The following CUL4A variants were observed in gnomAD, a reference collection of about 807,000 sequenced individuals.
The protein encoded by CUL4A is cullin 4A.
A neutral mutation model predicts 95.5 loss-of-function variants in CUL4A; 16 were observed. The observed-to-expected ratio is 0.17, with a 90% confidence interval of 0.11 to 0.25. CUL4A has a LOEUF of 0.25. Ranked by LOEUF, CUL4A falls within the 10% of genes least tolerant of loss-of-function variation. The probability of loss-of-function intolerance (pLI) is 1.00; values close to 1 mark genes in which losing one functional copy is unlikely to be tolerated. For missense variants in CUL4A, 610 were observed against 937.0 expected, an observed-to-expected ratio of 0.65 and a Z score of 4.56; for synonymous variants, 380 against 353.1, an observed-to-expected ratio of 1.08 and a Z score of -0.85.
At chr13:113,226,732 A>G (rs187769127) in intron 3 of CUL4A, among the ~76,000 whole-genome samples, 10 of 152,298 alleles carry the variant, frequency 6.6e-5, no homozygotes, top group Admixed American at 4.6e-4. Context: ...GTCCAGCTGC[A>G]CTTTGCCACA....
intron 18 of CUL4A, among the ~76,000 whole-genome samples, chr13:113,259,298 A>T (rs2042209831): frequency 6.6e-6 from 1 of 152,158 alleles, no homozygotes; most frequent in South Asian, 2.1e-4. Context: ...AGTTCAGAGG[A>T]TGTTAACTTT....
At chr13:113,209,904 G>A in intron 1 of CUL4A, 69 bp from the exon 2 acceptor site, 1 of 1,314,394 alleles carries the variant, frequency 7.6e-7, no homozygotes, top group South Asian at 1.8e-5. Context: ...GCGCCGGCCG[G>A]GTCGGGGGTG....
In CUL4A at chr13:113,263,679, T is replaced by C. The variant is rs2042347563; in HGVS notation, c.*97T>C. The C allele has an allele frequency of 4.2e-6, 3 of 721,902 alleles. No individual in the cohort carries two copies. Among genetic ancestry groups the C allele is most frequent in the South Asian group, 2.7e-5 (1 of 37,236 alleles). 44.7% of individuals were successfully genotyped at this position (721,902 alleles called of 1,614,324 possible). The stretch of plus-strand genomic sequence containing the variant: ...TTTCTGGGACTCTGATTGATCCAGC[T>C]GTGGACATTGGAAGGCGAAGGAAGG... On this transcript the variant is annotated 3_prime_UTR_variant, in exon 20 of 20. Coordinates refer to ENST00000375440, the MANE Select transcript of CUL4A (RefSeq NM_001008895.4).
chr13:113,208,341 G>A, upstream of CUL4A: 1 of 1,432,472 alleles, frequency 7.0e-7, no homozygotes, highest in Non-Finnish European at 9.1e-7. Flanking sequence ...GGACCGCCGC[G>A]TCTACTTACA....
upstream of CUL4A, chr13:113,208,577 G>A (rs1178110802): frequency 1.6e-5 from 25 of 1,605,980 alleles, no homozygotes; most frequent in Non-Finnish European, 2.1e-5. Context: ...ACGCCGCCGC[G>A]CGCTCCCCGG....
intron 2 of CUL4A, 87 bp from the exon 3 acceptor site, chr13:113,218,858 T>C (rs1344305869): frequency 1.0e-5 from 9 of 859,166 alleles, no homozygotes; most frequent in African/African-American, 6.8e-5. Context: ...CTTTTTCTTA[T>C]GATTACAGCT....
At chr13:113,245,531 C>CA in intron 14 of CUL4A, among the ~76,000 whole-genome samples, 1 of 152,294 alleles carries the variant, frequency 6.6e-6, no homozygotes, top group East Asian at 1.9e-4. Flanking sequence ...GCCTGGGCAA[C>CA]AGAGTGAGAC....
chr13:113,255,003 C>A lies in CUL4A; in HGVS notation c.1909C>A (p.Arg637Ser). The change falls in exon 18 of 20, where the codon CGT (arginine) becomes AGT (serine). Residue 637 changes from arginine (R) to serine (S), a missense_variant. Arg to Ser is a moderately radical substitution (Grantham distance 110). Transcript: ENST00000375440. ...TLQSLACGKARVLIKSPKGKE... is the reference protein window; with the variant it reads ...TLQSLACGKASVLIKSPKGKE... ...GCAGTCCCTGGCCTGTGGCAAAGCA[C>A]GTGTGCTGATTAAAAGTCCCAAAGG... 1 of 1,614,114 alleles carries A rather than the reference C, an allele frequency of 6.2e-7. No homozygotes were observed. Among genetic ancestry groups the A allele is most frequent in the South Asian group, 1.1e-5 (1 of 91,062 alleles).
At chr13:113,208,925 C>T (rs2040191423), upstream of CUL4A, 1 of 1,349,072 alleles carries the variant, frequency 7.4e-7, no homozygotes. Context: ...AGGACAGCCC[C>T]ACGGCTAAAC....
upstream of CUL4A, chr13:113,208,753 G>T: frequency 1.4e-6 from 2 of 1,469,834 alleles, no homozygotes; most frequent in Non-Finnish European, 9.0e-7. Flanking sequence ...GGGTGCGCAG[G>T]TTGGTTCCGG....
At chr13:113,255,303 A>G (rs1215187102) in intron 18 of CUL4A, among the ~76,000 whole-genome samples, 178 bp downstream of exon 18, 1 of 152,166 alleles carries the variant, frequency 6.6e-6, no homozygotes, top group Non-Finnish European at 1.5e-5. Flanking sequence ...TCACATTCTC[A>G]GTAGGAAAGA....
At chr13:113,209,137 C>T (rs1194337022), upstream of CUL4A, among the ~76,000 whole-genome samples, 1 of 150,636 alleles carries the variant, frequency 6.6e-6, no homozygotes, top group African/African-American at 2.4e-5. Flanking sequence ...CACGTCCCGG[C>T]GCGCACCCCT....
At chr13:113,208,689 G>T (rs567911642), upstream of CUL4A, 15 of 1,562,868 alleles carry the variant, frequency 9.6e-6, no homozygotes, top group African/African-American at 1.7e-4. Context: ...GGGCCAGCTG[G>T]CGTCACTTCC....
Position 113,218,969 on chromosome 13 carries a change from A to G in CUL4A, c.289A>G (p.Lys97Glu), listed in dbSNP as rs866118183. Residue 97 changes from lysine to glutamate, a missense_variant, in exon 3 of 20, where the codon AAA (lysine) becomes GAA (glutamate). By Grantham distance (56) the Lys-to-Glu change is moderately conservative (BLOSUM62 1). Coordinates refer to ENST00000375440, the MANE Select transcript of CUL4A (RefSeq NM_001008895.4). The stretch of plus-strand genomic sequence containing the variant: ...GGCTGTGGAAAATCTCTGTTCTCAC[A>G]AAGTCTCCCCAATGCTCTACAAGCA... ...YQAVENLCSH[K>E]VSPMLYKQLR... is the part of the protein sequence containing the mutation. The G allele has an allele frequency of 3.1e-6, 5 of 1,613,392 alleles. No individual in the cohort carries two copies. Among genetic ancestry groups the G allele is most frequent in the Middle Eastern group, 1.7e-4 (1 of 6,056 alleles).
chr13:113,215,269 GTGTGACTATGGAGGTCGCTA>G (rs1311415534), intron 2 of CUL4A, among the ~76,000 whole-genome samples: 2,275 of 149,362 alleles, frequency 0.015, 52 homozygotes, highest in African/African-American at 0.052. Flanking sequence ...GGAGGTTGCT[GTGTGACTATGGAGGTCGCTA>G]TGTGACTATG....
intron 1 of CUL4A, 71 bp downstream of exon 1, chr13:113,209,846 G>C: frequency 8.6e-7 from 1 of 1,162,170 alleles, no homozygotes; most frequent in Non-Finnish European, 1.1e-6. Flanking sequence ...CCCGACTTGG[G>C]GGGAAGGCCC....
At chr13:113,253,825 G>A (rs1244945969) in intron 16 of CUL4A, among the ~76,000 whole-genome samples, 3 of 152,110 alleles carry the variant, frequency 2.0e-5, no homozygotes, top group African/African-American at 4.8e-5. Flanking sequence ...AATGAAAGGC[G>A]CTTATGAAAC....
At chr13:113,214,083 A>C (rs1183119877) in intron 2 of CUL4A, among the ~76,000 whole-genome samples, 1 of 152,224 alleles carries the variant, frequency 6.6e-6, no homozygotes, top group Non-Finnish European at 1.5e-5. Context: ...AAAGAATCTT[A>C]TGTGAAAGGA....
intron 7 of CUL4A, 85 bp downstream of exon 7, chr13:113,234,071 C>A: frequency 1.4e-6 from 1 of 729,606 alleles, no homozygotes; most frequent in Non-Finnish European, 2.3e-6. Flanking sequence ...TTTGCCTTTT[C>A]ACACACATGC....
Sources: allele counts gnomAD v4.1 joint callset (sites outside exome capture counted in the v4.1 genomes callset), GRCh38; gene constraint gnomAD v4.1.1; transcripts MANE v1.5; gene names NCBI Gene and HGNC (gene_info 2026-07-23, HGNC 2026-07-21).